CYP2E1: variants seen among roughly 807,000 people sequenced by gnomAD.
CYP2E1 encodes cytochrome P450 2E1.
Under a neutral mutation model 42.9 loss-of-function variants are expected in CYP2E1, and 31 were observed. That is an observed-to-expected ratio of 0.72 (90% CI 0.54 to 0.98). CYP2E1 has a LOEUF of 0.98. CYP2E1 is among the 50% of genes least tolerant of loss of function. CYP2E1 has a pLI of 0.00. For synonymous variants in CYP2E1, 244 were observed against 248.9 expected (o/e 0.98, Z 0.19); for missense variants, 565 against 633.2 (o/e 0.89, Z 1.16).
chr10:133,537,975 C>A (rs1851425867), intron 8 of CYP2E1, 83 bp downstream of exon 8: 2 of 1,412,452 alleles, frequency 1.4e-6, no homozygotes, highest in Non-Finnish European at 1.9e-6. Flanking sequence ...CTGCCCTCGT[C>A]CCAGGCACCC....
At chr10:133,527,957 G>A in intron 1 of CYP2E1, 1 of 247,500 alleles carries the variant, frequency 4.0e-6, no homozygotes, top group Non-Finnish European at 7.8e-6. Flanking sequence ...ACCAATACCT[G>A]CCGCCTACGA....
intron 5 of CYP2E1, 38 bp downstream of exon 5, chr10:133,532,906 T>C (rs1037503877): frequency 6.4e-7 from 1 of 1,551,130 alleles, no homozygotes; most frequent in African/African-American, 1.4e-5. Flanking sequence ...CTCTCCGGGG[T>C]GGGCAGAGAA....
intron 1 of CYP2E1, 30 bp from the exon 2 acceptor site, chr10:133,528,451 G>T (rs1794705459): frequency 6.2e-7 from 1 of 1,609,166 alleles, no homozygotes; most frequent in Non-Finnish European, 8.5e-7. Context: ...CCGCGCGGCG[G>T]GCCTGACTTC....
intron 2 of CYP2E1, 86 bp downstream of exon 2, chr10:133,528,726 A>C: frequency 6.8e-7 from 1 of 1,470,524 alleles, no homozygotes; most frequent in African/African-American, 1.4e-5. Flanking sequence ...GCGATGGCCA[A>C]ATAATAAACT....
intron 5 of CYP2E1, 102 bp downstream of exon 5, chr10:133,532,970 C>G: frequency 9.3e-7 from 1 of 1,075,642 alleles, no homozygotes; most frequent in Non-Finnish European, 1.3e-6. Flanking sequence ...CCAGACCTCC[C>G]ACCGCAGCAT....
chr10:133,533,782 C>T lies in CYP2E1; in HGVS notation c.852C>T (p.Tyr284=). 2 of 1,614,192 alleles carry T rather than the reference C, an allele frequency of 1.2e-6. No homozygotes were observed. Among genetic ancestry groups the T allele is most frequent in the Non-Finnish European group, 8.5e-7 (1 of 1,180,028 alleles). Residue 284 remains tyrosine, a synonymous_variant, in exon 6 of 9, where the codon TAC becomes TAT. Transcript: ENST00000252945. ...EKEKHSAERL[Y]TMDGITVTVA... ...AAAAGCACAGTGCAGAGCGCTTGTA[C>T]ACAATGGACGGTATCACCGTGACTG... is the stretch of plus-strand genomic sequence containing the variant.
chr10:133,538,543 G>A (rs1433889858), intron 8 of CYP2E1, among the ~76,000 whole-genome samples: 4 of 152,156 alleles, frequency 2.6e-5, no homozygotes, highest in Non-Finnish European at 5.9e-5. Context: ...TTTTGCAGTT[G>A]AGCTCTGGAT....
rs752411720 is a variant in CYP2E1 at position 133,538,762 on chromosome 10, T to C, written c.1298-18T>C. The C allele has an allele frequency of 1.2e-6, 2 of 1,610,626 alleles. No individual in the cohort carries two copies. The highest frequency in any genetic ancestry group is 2.2e-5 in the East Asian group (1 of 44,876). On this transcript the variant is annotated intron_variant, in intron 8 of 8. Transcript: ENST00000252945. ...TGAAACTCCCTCAGTGTCTCATCAA[T>C]ACCATTGTTACTTCTAGGAAAACGA...
chr10:133,532,530 G>C (rs1851351785), intron 4 of CYP2E1, among the ~76,000 whole-genome samples, 162 bp from the exon 5 acceptor site: 1 of 152,126 alleles, frequency 6.6e-6, no homozygotes. Context: ...AGTTTGCACT[G>C]CTGAGGAGAA....
intron 6 of CYP2E1, among the ~76,000 whole-genome samples, chr10:133,536,524 GT>G: frequency 9.5e-6 from 1 of 104,796 alleles, no homozygotes; most frequent in African/African-American, 3.0e-5. Context: ...TGGGTGGATG[GT>G]TGGATGTATA....
Position 133,531,572 on chromosome 10 carries a change from CCCTCTG to C in CYP2E1, c.338-9_338-4del. The C allele has an allele frequency of 6.2e-7, 1 of 1,614,008 alleles. No individual in the cohort carries two copies. The highest frequency in any genetic ancestry group is 8.5e-7 in the Non-Finnish European group (1 of 1,179,966). On this transcript the variant is annotated splice_polypyrimidine_tract_variant and splice_region_variant and intron_variant, in intron 2 of 8. Coordinates refer to ENST00000252945, the MANE Select transcript of CYP2E1 (RefSeq NM_000773.4). ...GTATTTAGAATAACCTTCTGCTGGC[CCCTCTG>C]CCTTAGGAATCATTTTTAATAATGG...
intron 6 of CYP2E1, 69 bp from the exon 7 acceptor site, chr10:133,536,994 G>A (rs1851413728): frequency 1.4e-6 from 2 of 1,447,816 alleles, no homozygotes; most frequent in Admixed American, 1.7e-5. Flanking sequence ...ATAGATGGGT[G>A]GATGATGGGT....
intron 2 of CYP2E1, 97 bp downstream of exon 2, chr10:133,528,737 A>G: frequency 7.2e-7 from 1 of 1,395,326 alleles, no homozygotes; most frequent in Non-Finnish European, 9.9e-7. Context: ...ATAATAAACT[A>G]ACAGTAATAT....
rs1388591919 is a variant in CYP2E1, at chr10:133,532,585, A to G, written c.649-107A>G. ...TGTTGACCCAAAATATTCCAAATAA[A>G]CAATGATTACAGCCACAAATTCAGG... On this transcript the variant is annotated intron_variant, in intron 4 of 8. Transcript: ENST00000252945. The G allele has an allele frequency of 5.6e-6, 6 of 1,072,278 alleles. No homozygotes were observed. In the South Asian group the frequency reaches 7.9e-5, roughly 14 times the overall value. The allele number at this position is 1,072,278 out of a possible 1,614,324, so 66.4% of individuals were successfully genotyped here. A position where few individuals can be genotyped will look rare whatever the true frequency, so the allele number is the denominator to read the frequency against.
chr10:133,532,220 A>C lies in CYP2E1; in HGVS notation c.584A>C (p.Lys195Thr). ...FRKHFDYNDE[K>T]FLRLMYLFNE... is the part of the protein sequence containing the mutation. ...AAGCATTTTGACTACAATGATGAGAAGTTTCTAAGGCTGATGTATTTGTTT... is the reference window on the plus strand; with the variant it reads ...AAGCATTTTGACTACAATGATGAGACGTTTCTAAGGCTGATGTATTTGTTT... Residue 195 changes from lysine (K) to threonine (T), a missense_variant, in exon 4 of 9, where the codon AAG becomes ACG. Lys to Thr is a moderately conservative substitution (Grantham distance 78, BLOSUM62 -1). Coordinates refer to ENST00000252945, the MANE Select transcript of CYP2E1 (RefSeq NM_000773.4). 1 of 1,614,028 alleles carries C rather than the reference A, an allele frequency of 6.2e-7. No homozygotes were observed. The highest frequency in any genetic ancestry group is 1.1e-5 in the South Asian group (1 of 91,084).
Position 133,528,606 on chromosome 10 carries a change from C to A in CYP2E1, c.303C>A (p.Gly101=). 6.2e-7 allele frequency: 1 copy of A among 1,613,388 alleles called. No individual in the cohort carries two copies. Residue 101 remains glycine, a synonymous_variant, in exon 2 of 9, where the codon GGC becomes GGA. Transcript: ENST00000252945. Reference sequence around the variant, plus strand: ...ACAAGGACGAGTTCTCGGGCAGAGGCGACCTCCCCGCGTTCCATGCGCACA... The same window carrying A: ...ACAAGGACGAGTTCTCGGGCAGAGGAGACCTCCCCGCGTTCCATGCGCACA... ...LDYKDEFSGR[G]DLPAFHAHRD... is the part of the protein sequence containing the mutation.
intron 6 of CYP2E1, among the ~76,000 whole-genome samples, chr10:133,534,689 G>A (rs1427461143): frequency 3.3e-5 from 5 of 152,114 alleles, no homozygotes; most frequent in African/African-American, 9.7e-5. Flanking sequence ...GGTGTGTGCC[G>A]CCCTCCTCCT....
intron 4 of CYP2E1, 82 bp from the exon 5 acceptor site, chr10:133,532,610 G>A (rs1325062738): frequency 2.0e-5 from 25 of 1,258,440 alleles, no homozygotes; most frequent in South Asian, 7.4e-5. Context: ...ACAAATTCAG[G>A]TTTGGAGAAA....
intron 1 of CYP2E1, chr10:133,528,233 G>C: frequency 2.4e-6 from 1 of 420,156 alleles, no homozygotes; most frequent in Non-Finnish European, 4.3e-6. Context: ...CGGAGTTGCC[G>C]CGGAGTTGTC....
Sources: gnomAD v4.1 joint callset for allele counts (sites outside exome capture counted in the v4.1 genomes callset) on GRCh38, gnomAD v4.1.1 for gene constraint, MANE v1.5 for transcripts, NCBI Gene and HGNC (gene_info 2026-07-23, HGNC 2026-07-21) for gene names.